The following NPAS3 variants were observed in gnomAD, a reference collection of about 807,000 sequenced individuals.
NPAS3 encodes neuronal PAS domain-containing protein 3.
In NPAS3, 14 loss-of-function variants were observed where a neutral mutation model predicts 73.1. The ratio of observed to expected loss-of-function variants is 0.19; its 90% CI spans 0.13 to 0.30. NPAS3 has a LOEUF of 0.30. NPAS3 is among the 10% of genes least tolerant of loss of function. NPAS3 has a pLI of 1.00. For missense variants in NPAS3, 1,096 were observed against 1,250.0 expected (o/e 0.88, Z 1.86); for synonymous variants, 620 against 541.5 (o/e 1.14, Z -2.01).
At chr14:33,769,745 A>AT (rs5807743) in intron 7 of NPAS3, among the ~76,000 whole-genome samples, 41,090 of 102,008 alleles carry the variant, frequency 0.4, 7,579 homozygotes, top group East Asian at 0.61. Context: ...AAAGACTTGG[A>AT]TTTTTTTTTT....
chr14:32,964,409 A>G (rs990562462), intron 1 of NPAS3, among the ~76,000 whole-genome samples: 2 of 152,166 alleles, frequency 1.3e-5, no homozygotes, highest in East Asian at 1.9e-4. Flanking sequence ...TCCAGATCCC[A>G]CATTCCTATC....
chr14:33,631,563 C>T (rs537842377), intron 5 of NPAS3, among the ~76,000 whole-genome samples: 168 of 152,312 alleles, frequency 1.1e-3, no homozygotes, highest in South Asian at 4.8e-3. Context: ...CTGACAGTTT[C>T]TCCCACATTA....
At chr14:33,743,183 A>G (rs1005068038) in intron 7 of NPAS3, among the ~76,000 whole-genome samples, 1 of 152,200 alleles carries the variant, frequency 6.6e-6, no homozygotes, top group African/African-American at 2.4e-5. Context: ...GCCCAGATTC[A>G]TCAGAGGAAG....
intron 5 of NPAS3, among the ~76,000 whole-genome samples, chr14:33,569,618 CA>C (rs200785257): frequency 7.7e-4 from 111 of 144,236 alleles, no homozygotes; most frequent in Non-Finnish European, 9.2e-4. Context: ...GCCATGGAAA[CA>C]AAAAAAAAAA....
At chr14:33,747,798 T>C (rs2061849513) in intron 7 of NPAS3, among the ~76,000 whole-genome samples, 1 of 152,238 alleles carries the variant, frequency 6.6e-6, no homozygotes, top group African/African-American at 2.4e-5. Flanking sequence ...CTTTCACATC[T>C]GCTTTTTATT....
At chr14:33,279,141 C>G (rs2041472284) in intron 3 of NPAS3, among the ~76,000 whole-genome samples, 1 of 152,102 alleles carries the variant, frequency 6.6e-6, no homozygotes, top group Non-Finnish European at 1.5e-5. Flanking sequence ...CTGGTTTTGG[C>G]CTGAGAATTC....
chr14:33,002,619 A>C (rs756766085), intron 1 of NPAS3, among the ~76,000 whole-genome samples: 21 of 152,210 alleles, frequency 1.4e-4, no homozygotes, highest in Non-Finnish European at 2.9e-4. Context: ...TTGAGTTGTG[A>C]AACGTAGGAT....
chr14:33,763,657 G>A (rs1169053148), intron 7 of NPAS3, among the ~76,000 whole-genome samples: 1 of 152,216 alleles, frequency 6.6e-6, no homozygotes, highest in African/African-American at 2.4e-5. Context: ...CAGGGAAACT[G>A]AGGAATATTG....
chr14:33,256,886 G>C (rs2048797451), intron 3 of NPAS3, among the ~76,000 whole-genome samples: 1 of 152,156 alleles, frequency 6.6e-6, no homozygotes, highest in Non-Finnish European at 1.5e-5. Flanking sequence ...ATGGCTCTTA[G>C]CGGTCATTGA....
chr14:33,123,857 C>CT lies in NPAS3; in HGVS notation c.140+67866dup, dbSNP rs1294193841. ...TTTCTGTGAAGTTTTTTCTTTCTTT[C>CT]TTTCTTTTTTTTTTTTTTTTTTGAG... On this transcript the variant is annotated intron_variant, in intron 2 of 11. Coordinates refer to ENST00000356141, the Ensembl canonical transcript of NPAS3. 4.2e-4 allele frequency among the ~76,000 whole-genome samples: 42 copies of CT among 101,050 alleles called. 2 individuals carry two copies. The highest frequency in any genetic ancestry group is 1.6e-3 in the East Asian group (4 of 2,486). The allele number at this position is 101,050 out of a possible 152,430, so 66.3% of individuals were successfully genotyped here. A position where few individuals can be genotyped will look rare whatever the true frequency, so the allele number is the denominator to read the frequency against.
At chr14:33,727,809 T>C (rs1223897500) in intron 6 of NPAS3, among the ~76,000 whole-genome samples, 2 of 152,054 alleles carry the variant, frequency 1.3e-5, no homozygotes, top group Non-Finnish European at 2.9e-5. Flanking sequence ...CAGGAGGACA[T>C]GCTATATTTT....
At chr14:32,998,357 T>TCTA (rs2038670221) in intron 1 of NPAS3, among the ~76,000 whole-genome samples, 1 of 152,156 alleles carries the variant, frequency 6.6e-6, no homozygotes, top group East Asian at 1.9e-4. Flanking sequence ...ATATTGGTGG[T>TCTA]TACCAGGTGA....
intron 3 of NPAS3, among the ~76,000 whole-genome samples, chr14:33,274,347 C>T (rs990633141): frequency 6.6e-6 from 1 of 152,192 alleles, no homozygotes; most frequent in Non-Finnish European, 1.5e-5. Context: ...TAACACCAGA[C>T]ATCTCAAGGT....
chr14:33,146,011 A>G lies in NPAS3; in HGVS notation c.141-69171A>G, dbSNP rs569230028. On this transcript the variant is annotated intron_variant, in intron 2 of 11. Coordinates refer to ENST00000356141, the Ensembl canonical transcript of NPAS3. ...CTTTACTATGAATGTATCACAAGTAAAGAGTCGCAGATGGTTTACAATTTC... is the reference window on the plus strand; with the variant it reads ...CTTTACTATGAATGTATCACAAGTAGAGAGTCGCAGATGGTTTACAATTTC... 3.3e-5 allele frequency among the ~76,000 whole-genome samples: 5 copies of G among 152,324 alleles called. No homozygotes were observed. In the East Asian group the frequency reaches 9.6e-4, roughly 29 times the overall value.
At chr14:33,512,771 A>G (rs2053119362) in intron 4 of NPAS3, among the ~76,000 whole-genome samples, 1 of 151,988 alleles carries the variant, frequency 6.6e-6, no homozygotes, top group African/African-American at 2.4e-5. Context: ...TAGATGTGGA[A>G]CTCTCTATGT....
At chr14:33,332,409 T>G (rs1173545739) in intron 3 of NPAS3, among the ~76,000 whole-genome samples, 4 of 152,214 alleles carry the variant, frequency 2.6e-5, no homozygotes, top group African/African-American at 9.6e-5. Context: ...TATCATGGAA[T>G]GTAGTTAGAC....
At chr14:33,426,618 A>G (rs1410357803) in intron 4 of NPAS3, among the ~76,000 whole-genome samples, 2 of 151,968 alleles carry the variant, frequency 1.3e-5, no homozygotes, top group African/African-American at 2.4e-5. Context: ...TAAGGGAGAG[A>G]TTGAAGTGAT....
At chr14:33,576,592 AG>A (rs1228572187) in intron 5 of NPAS3, among the ~76,000 whole-genome samples, 2 of 152,178 alleles carry the variant, frequency 1.3e-5, no homozygotes, top group Non-Finnish European at 2.9e-5. Flanking sequence ...AGTAAAGGAG[AG>A]GGAGATCTCA....
intron 3 of NPAS3, among the ~76,000 whole-genome samples, chr14:33,344,690 T>C (rs556600500): frequency 4.2e-4 from 64 of 152,222 alleles, no homozygotes; most frequent in Non-Finnish European, 8.1e-4. Context: ...ATTTGAATCA[T>C]ATAATAAAGC....
Sources: gnomAD v4.1 joint callset for allele counts (sites outside exome capture counted in the v4.1 genomes callset) on GRCh38, gnomAD v4.1.1 for gene constraint, MANE v1.5 for transcripts, NCBI Gene and HGNC (gene_info 2026-07-23, HGNC 2026-07-21) for gene names.